AK5: variants seen among roughly 807,000 people sequenced by gnomAD.
The protein encoded by AK5 is adenylate kinase 5, also known as adenylate kinase isoenzyme 5.
In AK5, 27 loss-of-function variants were observed where a neutral mutation model predicts 69.5. That is an observed-to-expected ratio of 0.39 (90% confidence interval 0.29 to 0.54). AK5 has a LOEUF of 0.54. Ranked by LOEUF, AK5 falls within the 20% of genes least tolerant of loss-of-function variation. The probability of loss-of-function intolerance (pLI) is 0.71; values close to 1 mark genes in which losing one functional copy is unlikely to be tolerated. For synonymous variants in AK5, 260 were observed against 244.4 expected (o/e 1.06, Z -0.60); for missense variants, 531 against 700.4 (o/e 0.76, Z 2.73).
intron 6 of AK5, among the ~76,000 whole-genome samples, chr1:77,371,626 C>T (rs764817187): frequency 2.6e-5 from 4 of 152,136 alleles, no homozygotes; most frequent in Non-Finnish European, 4.4e-5. Context: ...ACTCAGCTGA[C>T]ACTGGAGCAA....
chr1:77,391,107 G>T (rs1165624894), intron 6 of AK5, among the ~76,000 whole-genome samples: 2 of 152,096 alleles, frequency 1.3e-5, no homozygotes, highest in African/African-American at 4.8e-5. Flanking sequence ...TTGAGCGAAG[G>T]GAAAAGCAGA....
chr1:77,291,628 G>A (rs1316840366), intron 2 of AK5, among the ~76,000 whole-genome samples: 3 of 151,940 alleles, frequency 2.0e-5, no homozygotes, highest in African/African-American at 7.3e-5. Context: ...TTCTCTATGG[G>A]AAACTATTTC....
At chr1:77,376,848 G>C (rs1253291724) in intron 6 of AK5, among the ~76,000 whole-genome samples, 1 of 152,124 alleles carries the variant, frequency 6.6e-6, no homozygotes, top group Non-Finnish European at 1.5e-5. Flanking sequence ...GCTTGAGTCT[G>C]AAGGTTGAGG....
At chr1:77,478,608 A>T (rs80145680) in intron 8 of AK5, among the ~76,000 whole-genome samples, 1 of 152,306 alleles carries the variant, frequency 6.6e-6, no homozygotes, top group Admixed American at 6.5e-5. Context: ...TATCAGCTGT[A>T]TGAAAACAAA....
At chr1:77,328,183 T>C (rs1660902875) in intron 5 of AK5, among the ~76,000 whole-genome samples, 5 of 152,344 alleles carry the variant, frequency 3.3e-5, no homozygotes, top group Admixed American at 2.6e-4. Context: ...CATTTCCTTA[T>C]TGTCAACCTG....
chr1:77,531,810 C>T (rs1658614517), intron 12 of AK5, among the ~76,000 whole-genome samples: 1 of 138,738 alleles, frequency 7.2e-6, no homozygotes, highest in Admixed American at 7.3e-5. Context: ...CAGGGGGCTG[C>T]GCTCGTCGGG....
At chr1:77,554,011 TA>T (rs1458298970) in intron 13 of AK5, among the ~76,000 whole-genome samples, 5 of 152,190 alleles carry the variant, frequency 3.3e-5, no homozygotes, top group African/African-American at 4.8e-5. Context: ...CACTACAACA[TA>T]AACGAACCTT....
chr1:77,509,841 A>T (rs182073595), intron 10 of AK5, among the ~76,000 whole-genome samples: 2 of 152,210 alleles, frequency 1.3e-5, no homozygotes, highest in Non-Finnish European at 2.9e-5. Flanking sequence ...AAAGACTTTT[A>T]AACATCACCA....
chr1:77,397,665 C>T (rs572882196), intron 6 of AK5, among the ~76,000 whole-genome samples: 4 of 152,138 alleles, frequency 2.6e-5, no homozygotes, highest in Non-Finnish European at 5.9e-5. Context: ...GAAGCCAAAG[C>T]AGGAGAATCA....
intron 3 of AK5, among the ~76,000 whole-genome samples, chr1:77,296,997 A>G (rs1043153464): frequency 2.0e-5 from 3 of 152,144 alleles, no homozygotes; most frequent in Admixed American, 2.0e-4. Flanking sequence ...ATTGGTCTAT[A>G]TGTCTATGTT....
intron 6 of AK5, among the ~76,000 whole-genome samples, chr1:77,358,023 G>GA: frequency 6.8e-6 from 1 of 146,036 alleles, no homozygotes; most frequent in African/African-American, 2.6e-5. Flanking sequence ...GTGTGTGAGA[G>GA]AGAGAGAGAG....
chr1:77,539,996 T>C (rs1032051818), intron 13 of AK5, among the ~76,000 whole-genome samples: 1 of 152,138 alleles, frequency 6.6e-6, no homozygotes, highest in African/African-American at 2.4e-5. Context: ...GGCCAACCCA[T>C]GCAGCCCACA....
chr1:77,439,080 AT>A (rs1244420518), intron 8 of AK5, among the ~76,000 whole-genome samples: 1 of 152,148 alleles, frequency 6.6e-6, no homozygotes, highest in Non-Finnish European at 1.5e-5. Flanking sequence ...CTGATAATCT[AT>A]CTAAGGTGAG....
At chr1:77,534,168 C>T (rs546707108) in intron 12 of AK5, among the ~76,000 whole-genome samples, 2 of 152,280 alleles carry the variant, frequency 1.3e-5, no homozygotes, top group South Asian at 4.1e-4. Flanking sequence ...GAACTTTGTT[C>T]TCATCCCACC....
At position 77,341,881 on chromosome 1, in the gene AK5, T is replaced by C. The variant is rs1156523323; in HGVS notation, c.891+1313T>C. 2.6e-5 allele frequency among the ~76,000 whole-genome samples: 4 copies of C among 152,124 alleles called. No individual in the cohort carries two copies. The East Asian group carries it at 7.7e-4, about 29-fold the overall frequency. On this transcript the variant is annotated intron_variant, in intron 6 of 13. Coordinates refer to ENST00000354567, the MANE Select transcript of AK5 (RefSeq NM_174858.3). The stretch of plus-strand genomic sequence containing the variant: ...CTGTGGCTATGTTTTGTTGGGGTTA[T>C]TGTTTGGTTTTTGTTTTGTTTTGGT...
intron 5 of AK5, among the ~76,000 whole-genome samples, chr1:77,303,961 A>G (rs1011889338): frequency 6.6e-6 from 1 of 152,362 alleles, no homozygotes; most frequent in South Asian, 2.1e-4. Flanking sequence ...CATCATGAAG[A>G]ATGGGATATC....
chr1:77,355,075 A>G lies in AK5; in HGVS notation c.891+14507A>G, dbSNP rs139680832. 2.6e-4 allele frequency among the ~76,000 whole-genome samples: 40 copies of G among 152,272 alleles called. No individual in the cohort carries two copies. In the East Asian group the frequency reaches 7.1e-3, roughly 27 times the overall value. On this transcript the variant is annotated intron_variant, in intron 6 of 13. Coordinates refer to ENST00000354567, the MANE Select transcript of AK5 (RefSeq NM_174858.3). ...AGCTTTATTTAGAGTTCATATGTTCATGACAAATGAATTCTAGCAGAAGCC... is the reference window on the plus strand; with the variant it reads ...AGCTTTATTTAGAGTTCATATGTTCGTGACAAATGAATTCTAGCAGAAGCC...
rs560171345 is a variant in AK5 at position 77,345,333 on chromosome 1, A to C, written c.891+4765A>C. Among the ~76,000 whole-genome samples the C allele has an allele frequency of 2.0e-5, 3 of 152,312 alleles. No individual in the cohort carries two copies. The East Asian group carries it at 5.8e-4, about 29-fold the overall frequency. On this transcript the variant is annotated intron_variant, in intron 6 of 13. Transcript: ENST00000354567. ...ACCAACTAAATCTCTTCAGCCAGGAAAGGCAGAGGCTGAAAAAAGGTTAAA... is the reference window on the plus strand; with the variant it reads ...ACCAACTAAATCTCTTCAGCCAGGACAGGCAGAGGCTGAAAAAAGGTTAAA...
At chr1:77,318,353 A>G (rs1570369245) in intron 5 of AK5, among the ~76,000 whole-genome samples, 1 of 152,256 alleles carries the variant, frequency 6.6e-6, no homozygotes, top group East Asian at 1.9e-4. Context: ...CTGCTAAACC[A>G]TTCATGAGAA....
Sources: gnomAD v4.1 joint callset for allele counts (sites outside exome capture counted in the v4.1 genomes callset) on GRCh38, gnomAD v4.1.1 for gene constraint, MANE v1.5 for transcripts, NCBI Gene and HGNC (gene_info 2026-07-23, HGNC 2026-07-21) for gene names.